DPP6: variants seen among roughly 807,000 people sequenced by gnomAD.
DPP6 encodes A-type potassium channel modulatory protein DPP6.
Under a neutral mutation model 122.6 loss-of-function variants are expected in DPP6, and 69 were observed. The observed-to-expected ratio is 0.56, with a 90% CI of 0.46 to 0.69. DPP6 has a LOEUF of 0.69. Ranked by LOEUF, DPP6 falls within the 30% of genes least tolerant of loss-of-function variation. The probability of loss-of-function intolerance (pLI) is 0.00; values close to 1 mark genes in which losing one functional copy is unlikely to be tolerated. For missense variants in DPP6, 928 were observed against 1,116.9 expected, an observed-to-expected ratio of 0.83 and a Z score of 2.41; for synonymous variants, 418 against 433.1, an observed-to-expected ratio of 0.97 and a Z score of 0.43.
At chr7:154,834,238 C>T (rs987656046) in intron 16 of DPP6, among the ~76,000 whole-genome samples, 24 of 150,182 alleles carry the variant, frequency 1.6e-4, no homozygotes, top group South Asian at 4.2e-4. Flanking sequence ...GAGGCCGAGG[C>T]AGGCGGATCC....
rs540069232 is a variant in DPP6, at chr7:154,016,019, G to A, written c.51+128285G>A. On this transcript the variant is annotated intron_variant, in intron 1 of 25. Coordinates refer to the DPP6 transcript ENST00000404039. ...CACACTCCATGCTCTGGCCATATCGGCCCACGTTCTATTCCTCGAATATAT... is the reference window on the plus strand; with the variant it reads ...CACACTCCATGCTCTGGCCATATCGACCCACGTTCTATTCCTCGAATATAT... Among the ~76,000 whole-genome samples, 7 of 152,242 alleles carry A rather than the reference G, an allele frequency of 4.6e-5. No individual in the cohort carries two copies. The South Asian group carries it at 1.5e-3, about 32-fold the overall frequency.
At chr7:154,465,016 G>A (rs1293118207) in intron 2 of DPP6, among the ~76,000 whole-genome samples, 1 of 152,094 alleles carries the variant, frequency 6.6e-6, no homozygotes, top group African/African-American at 2.4e-5. Flanking sequence ...AAATAAAGGA[G>A]AAAAATTATA....
At chr7:153,754,703 G>C in the DPP6 span, among the ~76,000 whole-genome samples, 5 of 151,962 alleles carry the variant, frequency 3.3e-5, no homozygotes, top group Non-Finnish European at 5.9e-5. Context: ...GGTCTCTGAG[G>C]CTCATCATTT....
At chr7:154,634,651 CTCCTCCTCT>C (rs201909381) in intron 5 of DPP6, among the ~76,000 whole-genome samples, 5,121 of 151,836 alleles carry the variant, frequency 0.034, 106 homozygotes, top group Non-Finnish European at 0.048. Flanking sequence ...CTTCCTCCTC[CTCCTCCTCT>C]TCCTCCTCTT....
Position 154,005,790 on chromosome 7 carries a change from A to C in DPP6, c.51+118056A>C, listed in dbSNP as rs1245723251. Among the ~76,000 whole-genome samples, 19 of 150,700 alleles carry C rather than the reference A, an allele frequency of 1.3e-4. 1 individual carries two copies. Among genetic ancestry groups the C allele is most frequent in the African/African-American group, 4.7e-4 (19 of 40,708 alleles). ...AGAGAAGTGGGTAGGGTTTTCTTGG[A>C]CTCTCACTTCACCTTCCGGTTGGAC... On this transcript the variant is annotated intron_variant, in intron 1 of 25. Transcript: ENST00000404039.
chr7:153,802,390 T>A, the DPP6 span, among the ~76,000 whole-genome samples: 27 of 152,348 alleles, frequency 1.8e-4, no homozygotes, highest in African/African-American at 6.5e-4. Context: ...GGGGCCTTCC[T>A]TGTTGAAATA....
intron 1 of DPP6, among the ~76,000 whole-genome samples, chr7:154,160,247 C>G (rs1214347279): frequency 1.3e-5 from 2 of 152,094 alleles, no homozygotes; most frequent in African/African-American, 4.8e-5. Flanking sequence ...TTGAGTTCCT[C>G]CATCCTGAAT....
chr7:154,375,023 A>T (rs951344012), intron 1 of DPP6, among the ~76,000 whole-genome samples: 3 of 152,174 alleles, frequency 2.0e-5, no homozygotes, highest in African/African-American at 7.2e-5. Flanking sequence ...TGAGCAAATG[A>T]GGGACTTAAT....
intron 1 of DPP6, among the ~76,000 whole-genome samples, chr7:154,402,802 C>T (rs1342325426): frequency 6.6e-6 from 1 of 151,222 alleles, no homozygotes; most frequent in Non-Finnish European, 1.5e-5. Context: ...AAATAAAACT[C>T]TGGGATCCAA....
chr7:154,588,431 A>G (rs769867330), intron 5 of DPP6: 83 of 218,918 alleles, frequency 3.8e-4, no homozygotes, highest in Non-Finnish European at 6.1e-4. Flanking sequence ...CTCCAATTAC[A>G]TTATTTTCCT....
At chr7:154,683,931 TGAGCATG>T (rs1839438813) in intron 7 of DPP6, among the ~76,000 whole-genome samples, 1 of 152,196 alleles carries the variant, frequency 6.6e-6, no homozygotes, top group Admixed American at 6.5e-5. Context: ...TACAGTGGTG[TGAGCATG>T]GCTCACTGCA....
chr7:154,503,970 A>C (rs1201420565), intron 3 of DPP6, among the ~76,000 whole-genome samples: 1 of 152,238 alleles, frequency 6.6e-6, no homozygotes, highest in African/African-American at 2.4e-5. Flanking sequence ...GATGAAAAAA[A>C]ACCAATGTTC....
chr7:154,318,258 A>G (rs973951093), intron 1 of DPP6, among the ~76,000 whole-genome samples: 1 of 152,256 alleles, frequency 6.6e-6, no homozygotes. Flanking sequence ...TTAGAAATGT[A>G]TATGAGAGTT....
At chr7:154,258,876 T>G (rs947658585) in intron 1 of DPP6, among the ~76,000 whole-genome samples, 1 of 152,200 alleles carries the variant, frequency 6.6e-6, no homozygotes, top group African/African-American at 2.4e-5. Context: ...ATCGGTAGCA[T>G]AGTTTCACAC....
chr7:153,959,734 A>G (rs558666798), intron 1 of DPP6, among the ~76,000 whole-genome samples: 21 of 152,336 alleles, frequency 1.4e-4, no homozygotes, highest in African/African-American at 4.6e-4. Context: ...AGACCACTCA[A>G]AGTTTCTTCA....
intron 1 of DPP6, among the ~76,000 whole-genome samples, chr7:154,091,837 T>C (rs1804871537): frequency 6.6e-6 from 1 of 152,090 alleles, no homozygotes; most frequent in Admixed American, 6.5e-5. Flanking sequence ...TGCCCAGCAT[T>C]TTGTTCATCG....
chr7:154,852,474 G>GCTCTCCTTC (rs1802482183), intron 16 of DPP6, among the ~76,000 whole-genome samples: 12 of 139,090 alleles, frequency 8.6e-5, no homozygotes, highest in Non-Finnish European at 1.5e-4. Context: ...GGCTCTCCTG[G>GCTCTCCTTC]CTCTCCTGCC....
chr7:154,485,473 A>T (rs551489072), intron 3 of DPP6, among the ~76,000 whole-genome samples: 2 of 152,180 alleles, frequency 1.3e-5, no homozygotes, highest in African/African-American at 4.8e-5. Context: ...TTCGTGCAGT[A>T]AAATCTGTCC....
chr7:154,248,164 C>T (rs1165214875), intron 1 of DPP6, among the ~76,000 whole-genome samples: 1 of 152,134 alleles, frequency 6.6e-6, no homozygotes, highest in Non-Finnish European at 1.5e-5. Context: ...AAGGCTCCCC[C>T]TCCTTGATCT....
Sources: gnomAD v4.1 joint callset for allele counts (sites outside exome capture counted in the v4.1 genomes callset) on GRCh38, gnomAD v4.1.1 for gene constraint, MANE v1.5 for transcripts, NCBI Gene and HGNC (gene_info 2026-07-23, HGNC 2026-07-21) for gene names.